The following C14orf132 variants were observed in gnomAD, a reference collection of about 807,000 sequenced individuals.
C14orf132 encodes the protein chromosome 14 open reading frame 132, also known as uncharacterized protein C14orf132.
A neutral mutation model predicts 5.8 loss-of-function variants in C14orf132; 6 were observed. The observed-to-expected ratio is 1.03, with a 90% CI of 0.57 to 2.04. C14orf132 has a LOEUF of 2.04. C14orf132 is among the 30% of genes most tolerant of loss of function. The pLI, the probability that C14orf132 is intolerant of heterozygous loss-of-function variation, is 0.00. For missense variants in C14orf132, 125 were observed against 115.8 expected, an observed-to-expected ratio of 1.08 and a Z score of -0.37; for synonymous variants, 51 against 49.8, an observed-to-expected ratio of 1.02 and a Z score of -0.10.
At chr14:96,049,545 TATATATAC>T (rs1886945173) in intron 1 of C14orf132, among the ~76,000 whole-genome samples, 1 of 134,718 alleles carries the variant, frequency 7.4e-6, no homozygotes, top group Non-Finnish European at 1.6e-5. Flanking sequence ...TACATACGTA[TATATATAC>T]ATATATACGT....
In C14orf132 at chr14:96,089,994, C is replaced by G. The variant is rs1039108681; in HGVS notation, c.*3259C>G. The stretch of plus-strand genomic sequence containing the variant: ...CTGGCTTCTCCCTGGGTGGGGTTGC[C>G]TGTTACATAGCTGTGCCTCAGAGAA... On this transcript the variant is annotated 3_prime_UTR_variant, in exon 2 of 2. Coordinates refer to ENST00000555004, the MANE Select transcript of C14orf132 (RefSeq NM_001252507.3). The G allele has an allele frequency of 6.6e-6, 1 of 152,670 alleles. No individual in the cohort carries two copies. Among genetic ancestry groups the G allele is most frequent in the African/African-American group, 2.4e-5 (1 of 41,450 alleles). 9.5% of individuals were successfully genotyped at this position (152,670 alleles called of 1,614,324 possible).
rs1888390111 is a variant in C14orf132 at position 96,091,105 on chromosome 14, G to A, written c.*4370G>A. The A allele has an allele frequency of 2.3e-6, 1 of 433,084 alleles. No individual in the cohort carries two copies. The highest frequency in any genetic ancestry group is 1.7e-5 in the South Asian group (1 of 58,542). The allele number at this position is 433,084 out of a possible 1,614,324, so 26.8% of individuals were successfully genotyped here. Reference sequence around the variant, plus strand: ...TTTCTGTGGAGAAAACTGAGGCCAGGGCTGAACGCTCACAGCTAAGGAGCT... The same window carrying A: ...TTTCTGTGGAGAAAACTGAGGCCAGAGCTGAACGCTCACAGCTAAGGAGCT... On this transcript the variant is annotated 3_prime_UTR_variant, in exon 2 of 2. Coordinates refer to ENST00000555004, the MANE Select transcript of C14orf132 (RefSeq NM_001252507.3).
At chr14:96,067,603 G>A (rs1382563813) in intron 1 of C14orf132, among the ~76,000 whole-genome samples, 1 of 151,906 alleles carries the variant, frequency 6.6e-6, no homozygotes, top group Non-Finnish European at 1.5e-5. Flanking sequence ...GGAGGCTGAG[G>A]CAGGAGAATC....
chr14:96,054,020 T>C (rs190393048), intron 1 of C14orf132, among the ~76,000 whole-genome samples: 33 of 152,228 alleles, frequency 2.2e-4, no homozygotes, highest in Non-Finnish European at 4.3e-4. Context: ...TGGAAGGCCT[T>C]AATAAATGCC....
At chr14:96,052,868 G>A (rs1458890196) in intron 1 of C14orf132, among the ~76,000 whole-genome samples, 1 of 152,204 alleles carries the variant, frequency 6.6e-6, no homozygotes, top group East Asian at 1.9e-4. Flanking sequence ...AGTTGACTCA[G>A]GAGGAGAGTG....
chr14:96,052,651 G>A lies in C14orf132; in HGVS notation c.27+13124G>A, dbSNP rs559772610. ...TGCGGGGCACCTCCTCTTTGAGTCT[G>A]GATTATGACTTTCCCCAAGGCCAGT... On this transcript the variant is annotated intron_variant, in intron 1 of 1. Transcript: ENST00000555004. Among the ~76,000 whole-genome samples, 3 of 152,290 alleles carry A rather than the reference G, an allele frequency of 2.0e-5. No homozygotes were observed. The East Asian group carries it at 5.8e-4, about 29-fold the overall frequency.
At chr14:96,053,934 C>G (rs1334218723) in intron 1 of C14orf132, among the ~76,000 whole-genome samples, 1 of 152,216 alleles carries the variant, frequency 6.6e-6, no homozygotes, top group East Asian at 1.9e-4. Flanking sequence ...CTGTCTGCCT[C>G]TCCTCTGCAT....
intron 1 of C14orf132, among the ~76,000 whole-genome samples, chr14:96,046,678 T>C (rs1337487483): frequency 2.0e-5 from 3 of 152,200 alleles, no homozygotes; most frequent in Non-Finnish European, 4.4e-5. Flanking sequence ...ATTAACATCA[T>C]ATTAACACTG....
chr14:96,061,182 C>T (rs1320165545), intron 1 of C14orf132, among the ~76,000 whole-genome samples: 1 of 152,120 alleles, frequency 6.6e-6, no homozygotes, highest in Non-Finnish European at 1.5e-5. Flanking sequence ...GAAGTCCTCA[C>T]AGCACCTCAG....
chr14:96,061,737 C>A (rs114708929), intron 1 of C14orf132, among the ~76,000 whole-genome samples: 1 of 151,898 alleles, frequency 6.6e-6, no homozygotes, highest in Non-Finnish European at 1.5e-5. Flanking sequence ...CCAGACAGGG[C>A]GGGTCTCTAC....
intron 1 of C14orf132, among the ~76,000 whole-genome samples, chr14:96,068,725 C>T (rs368699910): frequency 6.6e-6 from 1 of 152,132 alleles, no homozygotes. Flanking sequence ...CTCTTGTCAC[C>T]TTTAGCATGT....
At chr14:96,049,580 G>GTA (rs201847402) in intron 1 of C14orf132, among the ~76,000 whole-genome samples, 3 of 115,306 alleles carry the variant, frequency 2.6e-5, no homozygotes, top group Non-Finnish European at 3.5e-5. Context: ...ACATATATAC[G>GTA]TATATATATA....
At chr14:96,068,422 G>T (rs1255205104) in intron 1 of C14orf132, among the ~76,000 whole-genome samples, 6 of 152,116 alleles carry the variant, frequency 3.9e-5, no homozygotes, top group Non-Finnish European at 8.8e-5. Context: ...CCCGTCCAGC[G>T]GGCACTCACT....
chr14:96,080,623 T>G (rs1888001365), intron 1 of C14orf132, among the ~76,000 whole-genome samples: 1 of 152,206 alleles, frequency 6.6e-6, no homozygotes, highest in African/African-American at 2.4e-5. Flanking sequence ...GAGATTTATA[T>G]AACGGTCACC....
intron 1 of C14orf132, among the ~76,000 whole-genome samples, chr14:96,060,185 T>C (rs1439935643): frequency 6.6e-6 from 1 of 152,176 alleles, no homozygotes; most frequent in East Asian, 1.9e-4. Flanking sequence ...TAGATTGTCA[T>C]TTGTGGAGCT....
chr14:96,082,189 C>T (rs1888049867), intron 1 of C14orf132, among the ~76,000 whole-genome samples: 2 of 152,216 alleles, frequency 1.3e-5, no homozygotes, highest in African/African-American at 4.8e-5. Context: ...GCCACCCTTG[C>T]CCACTGGCGT....
chr14:96,082,747 A>G (rs965395035), intron 1 of C14orf132, among the ~76,000 whole-genome samples: 4 of 152,346 alleles, frequency 2.6e-5, no homozygotes, highest in Admixed American at 1.3e-4. Context: ...TAAGAGATGC[A>G]TGTGATACTG....
At chr14:96,044,431 T>C (rs540364206) in intron 1 of C14orf132, among the ~76,000 whole-genome samples, 26 of 152,236 alleles carry the variant, frequency 1.7e-4, no homozygotes, top group Admixed American at 3.9e-4. Context: ...CCTCCTGCCT[T>C]GGCCTCCTGA....
At position 96,039,544 on chromosome 14, in the gene C14orf132, C is replaced by A. The variant is rs747797298; in HGVS notation, c.27+17C>A. The A allele has an allele frequency of 1.0e-5, 15 of 1,499,658 alleles. No individual in the cohort carries two copies. The highest frequency in any genetic ancestry group is 1.4e-5 in the African/African-American group (1 of 69,904). 92.9% of individuals were successfully genotyped at this position (1,499,658 alleles called of 1,614,324 possible). A position where few individuals can be genotyped will look rare whatever the true frequency, so the allele number is the denominator to read the frequency against. ...GCCGCGCAGGTAACGGGGCGTCCCC[C>A]CCACGCGCCCCGGGCCGCCAAGTTT... On this transcript the variant is annotated intron_variant, in intron 1 of 1. Coordinates refer to ENST00000555004, the MANE Select transcript of C14orf132 (RefSeq NM_001252507.3). The surrounding 1 kb of genome is among the most constrained non-coding windows in gnomAD (Gnocchi z 5.3).
Sources: allele counts gnomAD v4.1 joint callset (sites outside exome capture counted in the v4.1 genomes callset), GRCh38; gene constraint gnomAD v4.1.1; non-coding constraint Gnocchi (gnomAD v3.1); transcripts MANE v1.5; gene names NCBI Gene and HGNC (gene_info 2026-07-23, HGNC 2026-07-21).